The following DYNLT2B variants were observed in gnomAD, a reference collection of about 807,000 sequenced individuals.
DYNLT2B encodes the protein dynein light chain Tctex-type protein 2B.
In DYNLT2B, 14 loss-of-function variants were observed where a neutral mutation model predicts 19.5. The ratio of observed to expected loss-of-function variants is 0.72; its 90% CI spans 0.47 to 1.12. The LOEUF is 1.12. Ranked by LOEUF, DYNLT2B falls within the 50% of genes most tolerant of loss-of-function variation. The pLI is 0.00. For synonymous variants in DYNLT2B, 70 were observed against 59.7 expected (o/e 1.17, Z -0.79); for missense variants, 133 against 174.7 (o/e 0.76, Z 1.35).
At position 196,315,610 on chromosome 3, in the gene DYNLT2B, T is replaced by C. The variant is rs560469754; in HGVS notation, c.247+488A>G. On this transcript the variant is annotated intron_variant, in intron 2 of 4. Coordinates refer to ENST00000325318, the MANE Select transcript of DYNLT2B (RefSeq NM_152773.5). ...GAGGTCGGCTGGGCGCGGTGGCTCATGTCTGTAATCCCAGCACCTTGAGAG... is the reference window on the plus strand; with the variant it reads ...GAGGTCGGCTGGGCGCGGTGGCTCACGTCTGTAATCCCAGCACCTTGAGAG... Among the ~76,000 whole-genome samples the C allele has an allele frequency of 9.2e-4, 140 of 151,424 alleles. 1 individual carries two copies. The highest frequency in any genetic ancestry group is 3.1e-3 in the African/African-American group (130 of 41,448).
At chr3:196,303,882 G>T (rs1726416840) in intron 3 of DYNLT2B, among the ~76,000 whole-genome samples, 1 of 152,144 alleles carries the variant, frequency 6.6e-6, no homozygotes, top group Non-Finnish European at 1.5e-5. Flanking sequence ...GGGAGTCCGG[G>T]TGCGGTAGAT....
chr3:196,296,489 A>C (rs1726225167), intron 3 of DYNLT2B, among the ~76,000 whole-genome samples: 1 of 152,242 alleles, frequency 6.6e-6, no homozygotes, highest in African/African-American at 2.4e-5. Context: ...ACTAGAATTC[A>C]GTCTTCTAAC....
In DYNLT2B at chr3:196,296,021, A is replaced by C; in HGVS notation, c.366T>G (p.His122Gln). 2 of 1,613,872 alleles carry C rather than the reference A, an allele frequency of 1.2e-6. No homozygotes were observed. Among genetic ancestry groups the C allele is most frequent in the Non-Finnish European group, 1.7e-6 (2 of 1,179,852 alleles). The change falls in exon 4 of 5, where the codon CAT becomes CAG. Residue 122 changes from histidine to glutamine, a missense_variant. By Grantham distance (24) the His-to-Gln change is conservative. Coordinates refer to ENST00000325318, the MANE Select transcript of DYNLT2B (RefSeq NM_152773.5). ...FWDADTDNYT[H>Q]DVFMNDSLFC... ...ATACACTTACATTCATGAAAACATC[A>C]TGAGTATAGTTGTCAGTGTCAGCAT...
At chr3:196,310,577 C>T (rs926163097) in intron 2 of DYNLT2B, among the ~76,000 whole-genome samples, 1 of 151,338 alleles carries the variant, frequency 6.6e-6, no homozygotes, top group African/African-American at 2.4e-5. Flanking sequence ...TACAGGCACG[C>T]ACCACCATAC....
intron 2 of DYNLT2B, among the ~76,000 whole-genome samples, chr3:196,311,844 G>C (rs1217694668): frequency 6.6e-6 from 1 of 151,960 alleles, no homozygotes; most frequent in Non-Finnish European, 1.5e-5. Flanking sequence ...GGCCGAGACG[G>C]GTGGGTCACC....
intron 2 of DYNLT2B, 111 bp downstream of exon 2, chr3:196,315,987 G>A: frequency 1.6e-6 from 2 of 1,227,388 alleles, no homozygotes; most frequent in Non-Finnish European, 1.1e-6. Flanking sequence ...TTGTAGGCGT[G>A]AGCCACCACA....
At chr3:196,312,219 T>C (rs910664681) in intron 2 of DYNLT2B, among the ~76,000 whole-genome samples, 23 of 151,840 alleles carry the variant, frequency 1.5e-4, no homozygotes, top group African/African-American at 5.1e-4. Context: ...GGTTTCACCA[T>C]ATTGTTCAGG....
intron 1 of DYNLT2B, among the ~76,000 whole-genome samples, 153 bp downstream of exon 1, chr3:196,317,865 GAGGGGCGCCCGGACGTCACAGC>G (rs1357746245): frequency 1.3e-5 from 2 of 151,740 alleles, no homozygotes; most frequent in Non-Finnish European, 2.9e-5. Flanking sequence ...CCTGCAGCGG[GAGGGGCGCCCGGACGTCACAGC>G]AGGGCCGCCC....
At chr3:196,304,717 T>C (rs1726444103) in intron 3 of DYNLT2B, among the ~76,000 whole-genome samples, 2 of 151,356 alleles carry the variant, frequency 1.3e-5, no homozygotes, top group East Asian at 2.0e-4. Flanking sequence ...AAAAAATCAA[T>C]CCATAGATTC....
At chr3:196,304,195 T>C (rs993902890) in intron 3 of DYNLT2B, among the ~76,000 whole-genome samples, 1 of 151,922 alleles carries the variant, frequency 6.6e-6, no homozygotes, top group African/African-American at 2.4e-5. Context: ...TGCAGTGGCG[T>C]GATCTCAGCT....
intron 3 of DYNLT2B, among the ~76,000 whole-genome samples, chr3:196,303,396 T>A (rs932582207): frequency 6.6e-6 from 1 of 152,134 alleles, no homozygotes; most frequent in African/African-American, 2.4e-5. Flanking sequence ...AGCGGGCAAG[T>A]GAACCCACTG....
rs753928443 is a variant in DYNLT2B, at chr3:196,318,202, T to G, written c.-50A>C. Reference sequence around the variant, plus strand: ...AGCTCGCGATGAAGGCCTAGCGGGTTGCGGTCGCGGCCGGCAGCAGGGAAA... The same window carrying G: ...AGCTCGCGATGAAGGCCTAGCGGGTGGCGGTCGCGGCCGGCAGCAGGGAAA... On this transcript the variant is annotated 5_prime_UTR_variant, in exon 1 of 5. Coordinates refer to ENST00000325318, the MANE Select transcript of DYNLT2B (RefSeq NM_152773.5). 7 of 1,176,978 alleles carry G rather than the reference T, an allele frequency of 5.9e-6. No individual in the cohort carries two copies. In the East Asian group the frequency reaches 2.1e-4, roughly 36 times the overall value. The allele number at this position is 1,176,978 out of a possible 1,614,324, so 72.9% of individuals were successfully genotyped here.
At chr3:196,314,657 T>C (rs1726729054) in intron 2 of DYNLT2B, among the ~76,000 whole-genome samples, 1 of 149,076 alleles carries the variant, frequency 6.7e-6, no homozygotes, top group Admixed American at 6.7e-5. Flanking sequence ...TACAGAAAAA[T>C]TTAAAAATTA....
chr3:196,315,965 A>G, intron 2 of DYNLT2B, 133 bp downstream of exon 2: 3 of 935,478 alleles, frequency 3.2e-6, no homozygotes, highest in Middle Eastern at 3.5e-4. Context: ...TTGGCATGCT[A>G]AAGTGTTGGG....
rs1297685751 is a variant in DYNLT2B, at chr3:196,316,215, C to G, written c.130G>C (p.Val44Leu). The G allele has an allele frequency of 6.2e-7, 1 of 1,611,128 alleles. No homozygotes were observed. The highest frequency in any genetic ancestry group is 1.3e-5 in the African/African-American group (1 of 74,892). ...VFQQRFRPSVVKDCIHAVLKE... is the reference protein window; with the variant it reads ...VFQQRFRPSVLKDCIHAVLKE... ...AGCACAGCATGGATACAGTCTTTAACCACAGAGGGCCTGAACCTGAATGGA... is the reference window on the plus strand; with the variant it reads ...AGCACAGCATGGATACAGTCTTTAAGCACAGAGGGCCTGAACCTGAATGGA... Residue 44 changes from valine to leucine, a missense_variant, in exon 2 of 5, where the codon GTT (valine) becomes CTT (leucine). Physicochemically the swap from Val to Leu is conservative, Grantham distance 32. Transcript: ENST00000325318.
chr3:196,315,015 A>G (rs1261323928), intron 2 of DYNLT2B, among the ~76,000 whole-genome samples: 1 of 151,952 alleles, frequency 6.6e-6, no homozygotes. Flanking sequence ...AGCTTGGGGG[A>G]AGAAACAACC....
rs1428893094 is a variant in DYNLT2B at position 196,307,025 on chromosome 3, A to C, written c.248-13T>G. 6.2e-7 allele frequency: 1 copy of C among 1,611,896 alleles called. No homozygotes were observed. Among genetic ancestry groups the C allele is most frequent in the South Asian group, 1.1e-5 (1 of 90,772 alleles). ...TCAAATCCCATTTCTAGAAAGAAAA[A>C]ATAAGGTTATTTATAAGCAAATATG... On this transcript the variant is annotated splice_polypyrimidine_tract_variant and intron_variant, in intron 2 of 4. Transcript: ENST00000325318.
At chr3:196,312,491 C>G (rs1443976638) in intron 2 of DYNLT2B, among the ~76,000 whole-genome samples, 1 of 152,170 alleles carries the variant, frequency 6.6e-6, no homozygotes, top group Non-Finnish European at 1.5e-5. Flanking sequence ...TGGAGTCTCG[C>G]TCTGTCGCCC....
At chr3:196,311,084 C>T (rs1267408371) in intron 2 of DYNLT2B, among the ~76,000 whole-genome samples, 1 of 151,932 alleles carries the variant, frequency 6.6e-6, no homozygotes, top group Non-Finnish European at 1.5e-5. Context: ...AAGACCACGG[C>T]CCTAGGGAAC....
Sources: allele counts gnomAD v4.1 joint callset (sites outside exome capture counted in the v4.1 genomes callset), GRCh38; gene constraint gnomAD v4.1.1; transcripts MANE v1.5; gene names NCBI Gene and HGNC (gene_info 2026-07-23, HGNC 2026-07-21).